Variants in DNAH2 observed in about 807,000 individuals in gnomAD.
DNAH2 encodes the protein axonemal beta dynein heavy chain 2.
DNAH2 carries 323 observed loss-of-function variants against 523.5 expected under a neutral mutation model. The ratio of observed to expected loss-of-function variants is 0.62; its 90% confidence interval spans 0.56 to 0.68. The LOEUF (loss-of-function observed/expected upper bound fraction) is 0.68, where lower values mean the gene tolerates loss of function less well. Ranked by LOEUF, DNAH2 falls within the 30% of genes least tolerant of loss-of-function variation. The pLI, the probability that DNAH2 is intolerant of heterozygous loss-of-function variation, is 0.00. For missense variants in DNAH2, 4,907 were observed against 5,701.5 expected (o/e 0.86, Z 4.49); for synonymous variants, 2,093 against 2,177.4 (o/e 0.96, Z 1.08).
intron 59 of DNAH2, 102 bp downstream of exon 59, chr17:7,804,568 G>T: frequency 4.5e-6 from 6 of 1,329,218 alleles, no homozygotes; most frequent in Non-Finnish European, 6.2e-6. Flanking sequence ...TTTAGTGACT[G>T]GGTGCAGTGG....
chr17:7,772,102 A>G (rs1489929188), intron 28 of DNAH2, among the ~76,000 whole-genome samples: 1 of 152,186 alleles, frequency 6.6e-6, no homozygotes, highest in African/African-American at 2.4e-5. Flanking sequence ...ACACACGGCA[A>G]GATGAACACA....
chr17:7,794,503 T>G (rs1169062728), intron 49 of DNAH2, 145 bp downstream of exon 49: 1 of 643,172 alleles, frequency 1.6e-6, no homozygotes, highest in African/African-American at 1.9e-5. Flanking sequence ...CGTAAGGGCA[T>G]GTGCTGGCTC....
At chr17:7,725,620 G>A (rs1485811753) in intron 3 of DNAH2, among the ~76,000 whole-genome samples, 1 of 150,628 alleles carries the variant, frequency 6.6e-6, no homozygotes, top group African/African-American at 2.4e-5. Flanking sequence ...TTTTTTAGTA[G>A]AGGCAGGGTT....
At chr17:7,812,481 A>T (rs1251468600) in intron 63 of DNAH2, among the ~76,000 whole-genome samples, 1 of 151,886 alleles carries the variant, frequency 6.6e-6, no homozygotes, top group Non-Finnish European at 1.5e-5. Flanking sequence ...AGCCAGACAC[A>T]GTGGCGCACA....
At position 7,824,903 on chromosome 17, in the gene DNAH2, T is replaced by C. The variant is rs918539472; in HGVS notation, c.11853+176T>C. ...TAGAACACAATAATAAGAGCTAACA[T>C]TTCTTGAGTGATTATCATGTGCCAC... On this transcript the variant is annotated intron_variant, in intron 77 of 85. Transcript: ENST00000572933. 2.6e-5 allele frequency among the ~76,000 whole-genome samples: 4 copies of C among 152,316 alleles called. No individual in the cohort carries two copies. The East Asian group carries it at 7.7e-4, about 29-fold the overall frequency.
intron 63 of DNAH2, 112 bp from the exon 64 acceptor site, chr17:7,816,455 GATTA>G (rs759971251): frequency 6.3e-5 from 77 of 1,226,698 alleles, no homozygotes; most frequent in Non-Finnish European, 8.4e-5. Context: ...GGCTCAAAGA[GATTA>G]ATTTAACAAA....
chr17:7,786,159 G>A lies in DNAH2; in HGVS notation c.6165G>A (p.Met2055Ile). The part of the protein sequence containing the change: ...RETVEQEIRD[M>I]GLQSTPFTLT... ...CCGTTGAGCAGGAGATTCGAGACAT[G>A]GGCCTGCAAAGCACGCCGTTCACCC... The change falls in exon 40 of 86, where the codon ATG becomes ATA. Residue 2055 changes from methionine (M) to isoleucine (I), a missense_variant. Transcript: ENST00000572933. The surrounding 1 kb of genome is among the most constrained non-coding windows in gnomAD (Gnocchi z 7.5). The A allele has an allele frequency of 6.2e-7, 1 of 1,613,926 alleles. No homozygotes were observed. The highest frequency in any genetic ancestry group is 8.5e-7 in the Non-Finnish European group (1 of 1,180,010).
intron 11 of DNAH2, among the ~76,000 whole-genome samples, chr17:7,742,705 C>T (rs1425633813): frequency 6.6e-6 from 1 of 152,240 alleles, no homozygotes; most frequent in Non-Finnish European, 1.5e-5. Flanking sequence ...TCTCTTTCCT[C>T]ATTTTGACTC....
rs1178883133 is a variant in DNAH2 at position 7,779,350 on chromosome 17, C to A, written c.5649C>A (p.Leu1883=). Residue 1883 remains leucine, a synonymous_variant, in exon 36 of 86, where the codon CTC becomes CTA. Coordinates refer to ENST00000572933, the MANE Select transcript of DNAH2 (RefSeq NM_020877.5). The part of the protein sequence containing the change: ...LCILSALAAG[L]THFHFDGFEI... ...TCCTGTCTGCCCTGGCTGCCGGCCT[C>A]ACCCATTTCCATTTTGATGGCTTTG... is the stretch of plus-strand genomic sequence containing the variant. The A allele has an allele frequency of 6.2e-7, 1 of 1,614,068 alleles. No homozygotes were observed. The highest frequency in any genetic ancestry group is 8.5e-7 in the Non-Finnish European group (1 of 1,180,032).
At chr17:7,720,078 G>A (rs1164835237) in intron 2 of DNAH2, among the ~76,000 whole-genome samples, 178 bp downstream of exon 2, 2 of 152,108 alleles carry the variant, frequency 1.3e-5, no homozygotes, top group African/African-American at 4.8e-5. Flanking sequence ...TTTTTTGTAT[G>A]TCTTCCTCCT....
intron 77 of DNAH2, among the ~76,000 whole-genome samples, chr17:7,826,607 T>A (rs773665176): frequency 2.5e-4 from 35 of 141,724 alleles, no homozygotes; most frequent in Non-Finnish European, 5.1e-4. Context: ...TGGCGCCATC[T>A]CGGCTCACTG....
chr17:7,760,609 G>A lies in DNAH2; in HGVS notation c.2786-131G>A. The A allele has an allele frequency of 2.5e-6, 2 of 786,926 alleles. No individual in the cohort carries two copies. Among genetic ancestry groups the A allele is most frequent in the South Asian group, 1.8e-5 (1 of 54,636 alleles). The allele number at this position is 786,926 out of a possible 1,614,324, so 48.7% of individuals were successfully genotyped here. A position where few individuals can be genotyped will look rare whatever the true frequency, so the allele number is the denominator to read the frequency against. ...TCTGCCTACTCCTTTACCTTCTAAT[G>A]TGCATGTTTGAGCTGTATTTCTCTG... On this transcript the variant is annotated intron_variant, in intron 17 of 85. Transcript: ENST00000572933. The surrounding 1 kb of genome is among the most constrained non-coding windows in gnomAD (Gnocchi z 4.0).
chr17:7,756,799 T>C (rs1400095274), intron 12 of DNAH2, among the ~76,000 whole-genome samples: 1 of 152,160 alleles, frequency 6.6e-6, no homozygotes, highest in Admixed American at 6.5e-5. Context: ...TTCTCCTGAG[T>C]AGCTGGGATT....
Position 7,786,858 on chromosome 17 carries a change from G to A in DNAH2, c.6467-39G>A, listed in dbSNP as rs369740416. ...AGCGTGAGCGGAGGGTGCAAGGTGAGCGGCTCCCCGGTTTCCTCATCACCC... is the reference window on the plus strand; with the variant it reads ...AGCGTGAGCGGAGGGTGCAAGGTGAACGGCTCCCCGGTTTCCTCATCACCC... On this transcript the variant is annotated intron_variant, in intron 41 of 85. Coordinates refer to ENST00000572933, the MANE Select transcript of DNAH2 (RefSeq NM_020877.5). This position sits in a 1 kb window ranked among gnomAD's most constrained non-coding sequence, Gnocchi z 7.5. 17 of 1,613,710 alleles carry A rather than the reference G, an allele frequency of 1.1e-5. No individual in the cohort carries two copies. The African/African-American group carries it at 1.9e-4, about 18-fold the overall frequency.
chr17:7,774,448 C>A (rs2076395809), intron 28 of DNAH2, among the ~76,000 whole-genome samples: 1 of 152,184 alleles, frequency 6.6e-6, no homozygotes, highest in Admixed American at 6.5e-5. Context: ...CAGTTGTCTG[C>A]AGGTAGTTGC....
chr17:7,729,619 G>A (rs927398176), intron 4 of DNAH2, among the ~76,000 whole-genome samples: 1 of 152,048 alleles, frequency 6.6e-6, no homozygotes, highest in Admixed American at 6.6e-5. Flanking sequence ...TAGTAGAGAT[G>A]GGGTTTCTCC....
rs771909127 is a variant in DNAH2 at position 7,805,275 on chromosome 17, G to A, written c.9324G>A (p.Lys3108=). 3 of 1,614,236 alleles carry A rather than the reference G, an allele frequency of 1.9e-6. No homozygotes were observed. The highest frequency in any genetic ancestry group is 1.7e-5 in the Admixed American group (1 of 60,026). ...AGGCCCTGGAGTCTCTGAACAAGAA[G>A]GATATAGGAGAGATCAAGTCTTATG... ...AMRALESLNK[K]DIGEIKSYGR... Residue 3108 remains lysine (K), a synonymous_variant, in exon 61 of 86, where the codon AAG becomes AAA. Transcript: ENST00000572933.
chr17:7,805,615 G>C (rs2077347716), intron 61 of DNAH2, among the ~76,000 whole-genome samples: 1 of 152,112 alleles, frequency 6.6e-6, no homozygotes, highest in South Asian at 2.1e-4. Context: ...CTTTGGGAGG[G>C]CAAGGTGGGC....
chr17:7,831,646 C>T lies in DNAH2; in HGVS notation c.12612-15C>T. 1 of 1,613,820 alleles carries T rather than the reference C, an allele frequency of 6.2e-7. No individual in the cohort carries two copies. Among genetic ancestry groups the T allele is most frequent in the Non-Finnish European group, 8.5e-7 (1 of 1,179,728 alleles). ...GGCCCACCTCATCTCTAACACTCCA[C>T]CTCATCCTGCTCAGGTTCTCACTGA... On this transcript the variant is annotated splice_polypyrimidine_tract_variant and intron_variant, in intron 81 of 85. Coordinates refer to ENST00000572933, the MANE Select transcript of DNAH2 (RefSeq NM_020877.5). The surrounding 1 kb of genome is among the most constrained non-coding windows in gnomAD (Gnocchi z 4.2).
Sources: gnomAD v4.1 joint callset for allele counts (sites outside exome capture counted in the v4.1 genomes callset) on GRCh38, gnomAD v4.1.1 for gene constraint, Gnocchi (gnomAD v3.1) non-coding constraint, MANE v1.5 for transcripts, NCBI Gene and HGNC (gene_info 2026-07-23, HGNC 2026-07-21) for gene names.